SRGAP2: variants seen among roughly 807,000 people sequenced by gnomAD.
SRGAP2 encodes the protein SLIT-ROBO Rho GTPase activating protein 2.
In SRGAP2, 15 loss-of-function variants were observed where a neutral mutation model predicts 57.2. The ratio of observed to expected loss-of-function variants is 0.26; its 90% CI spans 0.18 to 0.40. The LOEUF is 0.40. Among genes scored for constraint, SRGAP2 ranks in the 10% least tolerant of loss-of-function variants. The probability of loss-of-function intolerance (pLI) is 1.00; values close to 1 mark genes in which losing one functional copy is unlikely to be tolerated. For missense variants in SRGAP2, 520 were observed against 669.6 expected, an observed-to-expected ratio of 0.78 and a Z score of 2.47; for synonymous variants, 249 against 248.0, an observed-to-expected ratio of 1.00 and a Z score of -0.04.
chr1:206,378,522 A>G (rs1655417957), intron 4 of SRGAP2, among the ~76,000 whole-genome samples: 1 of 152,202 alleles, frequency 6.6e-6, no homozygotes, highest in South Asian at 2.1e-4. Context: ...AGATAAAAGA[A>G]TAGGAAATAT....
chr1:206,386,983 A>G (rs1572020180), intron 5 of SRGAP2, among the ~76,000 whole-genome samples: 2 of 145,270 alleles, frequency 1.4e-5, no homozygotes, highest in Admixed American at 1.4e-4. Context: ...AAAACTAGCC[A>G]GGCATGGTGG....
At chr1:206,356,350 TG>T (rs1313625790) in intron 4 of SRGAP2, among the ~76,000 whole-genome samples, 1 of 129,258 alleles carries the variant, frequency 7.7e-6, no homozygotes, top group Admixed American at 8.0e-5. Flanking sequence ...ATTATACAGC[TG>T]GTTGATGGGA....
chr1:206,239,949 G>A (rs1419788923), intron 2 of SRGAP2, among the ~76,000 whole-genome samples: 1 of 150,612 alleles, frequency 6.6e-6, no homozygotes, highest in Non-Finnish European at 1.5e-5. Context: ...GGTCTTTTTC[G>A]GATTACTTTA....
At chr1:206,214,761 C>T (rs1452905794) in intron 2 of SRGAP2, 3 of 143,122 alleles carry the variant, frequency 2.1e-5, no homozygotes, top group African/African-American at 7.8e-5. Context: ...CCTTGCACTC[C>T]AGCCTGGGCA....
intron 13 of SRGAP2, among the ~76,000 whole-genome samples, chr1:206,428,489 C>T (rs1553367168): frequency 6.7e-6 from 1 of 150,238 alleles, no homozygotes; most frequent in African/African-American, 2.5e-5. Flanking sequence ...TTGAGTAATA[C>T]TTGGTATGCA....
At chr1:206,213,137 G>T (rs1553302701) in intron 2 of SRGAP2, among the ~76,000 whole-genome samples, 2 of 152,142 alleles carry the variant, frequency 1.3e-5, no homozygotes, top group African/African-American at 2.4e-5. Context: ...GTTGCAATGA[G>T]CTGAGATCTC....
At chr1:206,458,105 A>G (rs776405211) in intron 21 of SRGAP2, among the ~76,000 whole-genome samples, 70 of 152,196 alleles carry the variant, frequency 4.6e-4, no homozygotes, top group Non-Finnish European at 9.6e-4. Flanking sequence ...CTTGAAAACT[A>G]TTCTGCTCCA....
At chr1:206,383,457 A>G (rs11485190) in intron 4 of SRGAP2, among the ~76,000 whole-genome samples, 13,481 of 151,948 alleles carry the variant, frequency 0.089, 1,279 homozygotes, top group African/African-American at 0.24. Flanking sequence ...AGCATCTAGT[A>G]ACAGCTAATC....
chr1:206,430,059 G>A, intron 13 of SRGAP2, 103 bp from the exon 14 acceptor site: 2 of 729,638 alleles, frequency 2.7e-6, no homozygotes, highest in Admixed American at 1.8e-5. Flanking sequence ...TAGACCGGCT[G>A]GTGATCCGCT....
intron 14 of SRGAP2, among the ~76,000 whole-genome samples, chr1:206,435,080 G>T (rs997459599): frequency 6.6e-6 from 1 of 152,138 alleles, no homozygotes; most frequent in Non-Finnish European, 1.5e-5. Flanking sequence ...TTTTAACATT[G>T]CCTGCCACTC....
chr1:206,367,346 A>T (rs1313383458), intron 4 of SRGAP2, among the ~76,000 whole-genome samples: 4 of 152,168 alleles, frequency 2.6e-5, no homozygotes, highest in Non-Finnish European at 2.9e-5. Context: ...ATTGTATAAG[A>T]TTAGGAGAAT....
At chr1:206,413,454 AG>A (rs1175606346) in intron 10 of SRGAP2, among the ~76,000 whole-genome samples, 6 of 152,268 alleles carry the variant, frequency 3.9e-5, no homozygotes, top group Non-Finnish European at 8.8e-5. Flanking sequence ...AGGTGATAAC[AG>A]AGCCTCTTTC....
At chr1:206,413,546 AG>A (rs1458074592) in intron 10 of SRGAP2, among the ~76,000 whole-genome samples, 1 of 152,220 alleles carries the variant, frequency 6.6e-6, no homozygotes, top group Non-Finnish European at 1.5e-5. Flanking sequence ...ATTTGGTGTA[AG>A]ATTTGGTTTT....
chr1:206,446,524 A>G (rs1318559135), intron 18 of SRGAP2, among the ~76,000 whole-genome samples: 2 of 152,232 alleles, frequency 1.3e-5, no homozygotes, highest in African/African-American at 2.4e-5. Flanking sequence ...CTGAGTGGCA[A>G]GGGACTATTC....
chr1:206,448,916 CT>C (rs1464719260), intron 18 of SRGAP2, among the ~76,000 whole-genome samples: 1 of 152,036 alleles, frequency 6.6e-6, no homozygotes, highest in Non-Finnish European at 1.5e-5. Flanking sequence ...GGGAAACCTC[CT>C]TGGAAGTGAC....
chr1:206,430,108 C>G, intron 13 of SRGAP2, 54 bp from the exon 14 acceptor site: 1 of 779,712 alleles, frequency 1.3e-6, no homozygotes, highest in Non-Finnish European at 2.4e-6. Context: ...TTCTCTGACC[C>G]TGGGCTATCC....
chr1:206,426,031 G>A (rs1281055559), intron 13 of SRGAP2, among the ~76,000 whole-genome samples: 6 of 151,902 alleles, frequency 3.9e-5, no homozygotes, highest in African/African-American at 1.2e-4. Context: ...ATTTTTAGTA[G>A]AGACAAAGTT....
At chr1:206,389,420 G>C (rs1451444964) in intron 5 of SRGAP2, among the ~76,000 whole-genome samples, 1 of 152,048 alleles carries the variant, frequency 6.6e-6, no homozygotes, top group Non-Finnish European at 1.5e-5. Context: ...CTCGTGATCC[G>C]CCCGCCTGGG....
In SRGAP2 at chr1:206,455,031, T is replaced by C; in HGVS notation, c.2507+7T>C. The C allele has an allele frequency of 1.3e-6, 1 of 780,836 alleles. No homozygotes were observed. Among genetic ancestry groups the C allele is most frequent in the African/African-American group, 1.7e-5 (1 of 59,248 alleles). 48.4% of individuals were successfully genotyped at this position (780,836 alleles called of 1,614,324 possible). On this transcript the variant is annotated splice_region_variant and intron_variant, in intron 21 of 22. Coordinates refer to ENST00000573034, the MANE Select transcript of SRGAP2 (RefSeq NM_015326.5). ...ATCTTGCAAACATCAACAAGTAAGCTCTGCTTTTCATTTTCTGCTCCCCTG... is the reference window on the plus strand; with the variant it reads ...ATCTTGCAAACATCAACAAGTAAGCCCTGCTTTTCATTTTCTGCTCCCCTG...
Sources: allele counts gnomAD v4.1 joint callset (sites outside exome capture counted in the v4.1 genomes callset), GRCh38; gene constraint gnomAD v4.1.1; transcripts MANE v1.5; gene names NCBI Gene and HGNC (gene_info 2026-07-23, HGNC 2026-07-21).